RBPMS: variants seen among roughly 807,000 people sequenced by gnomAD.
RBPMS encodes the protein RNA binding protein, mRNA processing factor.
Under a neutral mutation model 26.8 loss-of-function variants are expected in RBPMS, and 7 were observed. The observed-to-expected ratio is 0.26, with a 90% confidence interval of 0.15 to 0.49. The LOEUF (loss-of-function observed/expected upper bound fraction) is 0.49, where lower values mean the gene tolerates loss of function less well. Among genes scored for constraint, RBPMS ranks in the 20% least tolerant of loss-of-function variants. The probability of loss-of-function intolerance (pLI) is 0.98; values close to 1 mark genes in which losing one functional copy is unlikely to be tolerated. For synonymous variants in RBPMS, 96 were observed against 93.3 expected, an observed-to-expected ratio of 1.03 and a Z score of -0.17; for missense variants, 186 against 250.0, an observed-to-expected ratio of 0.74 and a Z score of 1.73.
intron 6 of RBPMS, chr8:30,544,829 T>A: frequency 6.5e-7 from 1 of 1,537,394 alleles, no homozygotes; most frequent in Non-Finnish European, 8.7e-7. Context: ...CACTGCCTGA[T>A]GTTTGCCCCA....
chr8:30,453,056 A>G (rs971146877), intron 1 of RBPMS, among the ~76,000 whole-genome samples: 1 of 152,124 alleles, frequency 6.6e-6, no homozygotes, highest in African/African-American at 2.4e-5. Flanking sequence ...CTGCAGCAGT[A>G]TTTCTCAGTG....
At chr8:30,529,501 TAAAAA>T (rs1012565472) in intron 5 of RBPMS, among the ~76,000 whole-genome samples, 1 of 147,416 alleles carries the variant, frequency 6.8e-6, no homozygotes, top group Non-Finnish European at 1.5e-5. Flanking sequence ...AAACTCCACC[TAAAAA>T]AAAAGAAAAG....
chr8:30,435,640 T>C (rs1490431949), intron 1 of RBPMS, among the ~76,000 whole-genome samples: 2 of 152,106 alleles, frequency 1.3e-5, no homozygotes, highest in Non-Finnish European at 2.9e-5. Flanking sequence ...TGTGGAAGCA[T>C]AGAGAAGAGA....
intron 1 of RBPMS, among the ~76,000 whole-genome samples, chr8:30,409,253 G>A (rs1391827556): frequency 7.9e-5 from 12 of 151,766 alleles, no homozygotes; most frequent in Admixed American, 6.6e-4. Flanking sequence ...GAGTGCAATG[G>A]TGTGATCTCA....
chr8:30,527,674 C>T (rs1823737887), intron 5 of RBPMS, among the ~76,000 whole-genome samples: 1 of 151,864 alleles, frequency 6.6e-6, no homozygotes. Flanking sequence ...TGGGCCTCAG[C>T]ACAGTGTGAG....
chr8:30,384,790 C>T lies in RBPMS; in HGVS notation c.-303C>T, dbSNP rs937276353. 3.5e-6 allele frequency: 1 copy of T among 285,718 alleles called. No individual in the cohort carries two copies. The highest frequency in any genetic ancestry group is 6.5e-6 in the Non-Finnish European group (1 of 154,472). 17.7% of individuals were successfully genotyped at this position (285,718 alleles called of 1,614,324 possible). A position where few individuals can be genotyped will look rare whatever the true frequency, so the allele number is the denominator to read the frequency against. ...CTTCCTTCCTCCCCTGGCTCCCGCC[C>T]TCCCTCTCCAGGTCGCCCTCCCGGG... On this transcript the variant is annotated 5_prime_UTR_variant, in exon 1 of 9. Coordinates refer to ENST00000397323, the MANE Select transcript of RBPMS (RefSeq NM_001008710.3). This position sits in a 1 kb window ranked among gnomAD's most constrained non-coding sequence, Gnocchi z 5.6.
At chr8:30,469,910 C>T (rs1468942440) in intron 1 of RBPMS, among the ~76,000 whole-genome samples, 1 of 152,078 alleles carries the variant, frequency 6.6e-6, no homozygotes. Context: ...TCTGTTATCA[C>T]AGGCAGCCAT....
chr8:30,540,551 G>A (rs1042615946), intron 5 of RBPMS, among the ~76,000 whole-genome samples: 2 of 152,064 alleles, frequency 1.3e-5, no homozygotes, highest in East Asian at 3.9e-4. Context: ...TTAGCCTCCC[G>A]AGTAGTTGGA....
chr8:30,425,135 T>C (rs1193859275), intron 1 of RBPMS, among the ~76,000 whole-genome samples: 4 of 152,024 alleles, frequency 2.6e-5, no homozygotes, highest in Non-Finnish European at 5.9e-5. Flanking sequence ...TTCTGTAGTT[T>C]TTGTAGCGAC....
intron 5 of RBPMS, among the ~76,000 whole-genome samples, chr8:30,517,188 CCGTGTGTG>C (rs1261417266): frequency 1.8e-5 from 2 of 111,136 alleles, no homozygotes; most frequent in African/African-American, 7.5e-5. Flanking sequence ...GGCCAAGACC[CCGTGTGTG>C]TGTGTGTGTG....
intron 1 of RBPMS, among the ~76,000 whole-genome samples, chr8:30,448,904 G>A (rs964084994): frequency 3.9e-5 from 6 of 152,084 alleles, no homozygotes; most frequent in African/African-American, 1.2e-4. Flanking sequence ...AAAATATTAC[G>A]AGACCATACC....
intron 5 of RBPMS, among the ~76,000 whole-genome samples, chr8:30,532,859 G>A (rs73572130): frequency 6.6e-6 from 1 of 151,546 alleles, no homozygotes; most frequent in Non-Finnish European, 1.5e-5. Flanking sequence ...AGTACATTCC[G>A]CTACCCACTC....
intron 4 of RBPMS, among the ~76,000 whole-genome samples, chr8:30,491,960 G>T (rs1819446412): frequency 6.6e-6 from 1 of 151,600 alleles, no homozygotes; most frequent in South Asian, 2.1e-4. Flanking sequence ...GCACAATCTC[G>T]GCTCACTGCA....
chr8:30,432,932 G>A (rs1035198432), intron 1 of RBPMS, among the ~76,000 whole-genome samples: 2 of 152,122 alleles, frequency 1.3e-5, no homozygotes, highest in African/African-American at 4.8e-5. Context: ...AATCACACAG[G>A]GTCTGGAAGC....
intron 1 of RBPMS, among the ~76,000 whole-genome samples, chr8:30,449,368 TC>T (rs1201168771): frequency 4.2e-5 from 5 of 117,978 alleles, no homozygotes; most frequent in African/African-American, 1.5e-4. Flanking sequence ...TCACATCTCC[TC>T]TTTTTTTTTT....
chr8:30,561,615 G>C (rs1005879826), intron 7 of RBPMS, among the ~76,000 whole-genome samples: 1 of 152,216 alleles, frequency 6.6e-6, no homozygotes, highest in African/African-American at 2.4e-5. Context: ...GCACATCTGA[G>C]AGCCAAGAGT....
chr8:30,439,622 C>T (rs535792738), intron 1 of RBPMS, among the ~76,000 whole-genome samples: 23 of 152,074 alleles, frequency 1.5e-4, no homozygotes, highest in Non-Finnish European at 2.1e-4. Flanking sequence ...TTCCCTCTTG[C>T]TAATTGCCCG....
chr8:30,458,204 T>C (rs1815459903), intron 1 of RBPMS, among the ~76,000 whole-genome samples: 1 of 152,078 alleles, frequency 6.6e-6, no homozygotes, highest in Non-Finnish European at 1.5e-5. Flanking sequence ...TACAGATGCA[T>C]TTTTTTTCCT....
At chr8:30,500,313 C>G (rs943266607) in intron 4 of RBPMS, among the ~76,000 whole-genome samples, 6 of 151,570 alleles carry the variant, frequency 4.0e-5, no homozygotes, top group Non-Finnish European at 8.8e-5. Flanking sequence ...CTCCTCTACC[C>G]CCATACTACC....
Sources: allele counts gnomAD v4.1 joint callset (sites outside exome capture counted in the v4.1 genomes callset), GRCh38; gene constraint gnomAD v4.1.1; non-coding constraint Gnocchi (gnomAD v3.1); transcripts MANE v1.5; gene names NCBI Gene and HGNC (gene_info 2026-07-23, HGNC 2026-07-21).